The following FOXM1 variants were observed in gnomAD, a reference collection of about 807,000 sequenced individuals.
The protein encoded by FOXM1 is forkhead box protein M1.
In FOXM1, 25 loss-of-function variants were observed where a neutral mutation model predicts 63.6. That is an observed-to-expected ratio of 0.39 (90% confidence interval 0.29 to 0.55). The LOEUF is 0.55. FOXM1 is among the 20% of genes least tolerant of loss of function. The pLI, the probability that FOXM1 is intolerant of heterozygous loss-of-function variation, is 0.60. For missense variants in FOXM1, 879 were observed against 958.7 expected (o/e 0.92, Z 1.10); for synonymous variants, 387 against 376.9 (o/e 1.03, Z -0.31).
At position 2,874,988 on chromosome 12, in the gene FOXM1, A is replaced by ATTTT. The variant is rs556937133; in HGVS notation, c.-47-467_-47-464dup. On this transcript the variant is annotated intron_variant, in intron 1 of 8. Coordinates refer to ENST00000359843, the MANE Select transcript of FOXM1 (RefSeq NM_021953.4). The surrounding 1 kb of genome is among the most constrained non-coding windows in gnomAD (Gnocchi z 4.3). The stretch of plus-strand genomic sequence containing the variant: ...AATCCATTCAAGACAAAGGATTTTA[A>ATTTT]TTTTTTTTTTTTTTTTTTTTTTGAG... Among the ~76,000 whole-genome samples the ATTTT allele has an allele frequency of 5.5e-5, 7 of 127,160 alleles. No homozygotes were observed. The highest frequency in any genetic ancestry group is 8.3e-5 in the Admixed American group (1 of 12,004). 83.4% of individuals were successfully genotyped at this position (127,160 alleles called of 152,430 possible). A position where few individuals can be genotyped will look rare whatever the true frequency, so the allele number is the denominator to read the frequency against.
rs1237313189 is a variant in FOXM1, at chr12:2,857,812, C to A, written c.*826G>T. On this transcript the variant is annotated 3_prime_UTR_variant, in exon 9 of 9. Coordinates refer to ENST00000359843, the MANE Select transcript of FOXM1 (RefSeq NM_021953.4). ...TAAGGAAGCCAGGCAGGTCAGGGGC[C>A]CTTTCGGCCTTCTCAAGCCTCCACC... 2 of 152,506 alleles carry A rather than the reference C, an allele frequency of 1.3e-5. No individual in the cohort carries two copies. The highest frequency in any genetic ancestry group is 3.9e-4 in the East Asian group (2 of 5,180). The allele number at this position is 152,506 out of a possible 1,614,324, so 9.4% of individuals were successfully genotyped here.
chr12:2,864,321 T>C lies in FOXM1; in HGVS notation c.1265A>G (p.Lys422Arg), dbSNP rs1603500291. The change falls in exon 8 of 9, where the codon AAG (lysine) becomes AGG (arginine). Residue 422 changes from lysine to arginine, a missense_variant and splice_region_variant. Transcript: ENST00000359843. The surrounding 1 kb of genome is among the most constrained non-coding windows in gnomAD (Gnocchi z 5.1). ...TTCAGAGGAAAATAGGACACCCACC[T>C]TGGGGGCAATGCGGACTCGCTTGCT... ...RHSKRVRIAP[K>R]VLLAEEGIAP... 1 of 1,609,656 alleles carries C rather than the reference T, an allele frequency of 6.2e-7. No homozygotes were observed. Among genetic ancestry groups the C allele is most frequent in the East Asian group, 2.2e-5 (1 of 44,744 alleles).
intron 8 of FOXM1, among the ~76,000 whole-genome samples, chr12:2,860,765 G>A (rs973210337): frequency 3.3e-5 from 5 of 151,736 alleles, no homozygotes; most frequent in Non-Finnish European, 7.4e-5. Flanking sequence ...CCAGCTACTC[G>A]GGAGGCTGAG....
Position 2,864,028 on chromosome 12 carries a change from G to A in FOXM1, c.1266+292C>T. On this transcript the variant is annotated intron_variant, in intron 8 of 8. Coordinates refer to ENST00000359843, the MANE Select transcript of FOXM1 (RefSeq NM_021953.4). This position sits in a 1 kb window ranked among gnomAD's most constrained non-coding sequence, Gnocchi z 5.1. ...CCAAATCCATCTCTTTCTAAGGCCT[G>A]CCTCCCTTGTGTATCTTCCTTAATA... is the stretch of plus-strand genomic sequence containing the variant. 1 of 298,584 alleles carries A rather than the reference G, an allele frequency of 3.3e-6. No individual in the cohort carries two copies. Among genetic ancestry groups the A allele is most frequent in the East Asian group, 6.2e-5 (1 of 16,154 alleles). 18.5% of individuals were successfully genotyped at this position (298,584 alleles called of 1,614,324 possible). A position where few individuals can be genotyped will look rare whatever the true frequency, so the allele number is the denominator to read the frequency against.
chr12:2,859,291 TTCTCCGAGACCGGCTCCTCTC>T lies in FOXM1; in HGVS notation c.1618_1638del (p.Glu540_Arg546del). ...ACACAGGGAGGCAGTAGATGCTGTT[TTCTCCGAGACCGGCTCCTCTC>T]CCTCCTCTCCCTGTGTTGAATCACA... On this transcript the variant is annotated inframe_deletion, in exon 9 of 9. Coordinates refer to ENST00000359843, the MANE Select transcript of FOXM1 (RefSeq NM_021953.4). The T allele has an allele frequency of 6.2e-7, 1 of 1,613,514 alleles. No individual in the cohort carries two copies. The highest frequency in any genetic ancestry group is 8.5e-7 in the Non-Finnish European group (1 of 1,179,938).
In FOXM1 at chr12:2,865,377, T is replaced by G. The variant is rs1239419720; in HGVS notation, c.998A>C (p.Gln333Pro). Residue 333 changes from glutamine (Q) to proline (P), a missense_variant, in exon 6 of 9, where the codon CAA (glutamine) becomes CCA (proline). Coordinates refer to ENST00000359843, the MANE Select transcript of FOXM1 (RefSeq NM_021953.4). ...TACTGATTCCAAGTGCTCGGGCAAT[T>G]GTGGAGACCCTGGGTCCAGTGGCTG... ...VFKPLDPGSP[Q>P]LPEHLESQQK... 4.3e-6 allele frequency: 7 copies of G among 1,610,644 alleles called. No individual in the cohort carries two copies. Among genetic ancestry groups the G allele is most frequent in the African/African-American group, 4.0e-5 (3 of 74,756 alleles).
intron 8 of FOXM1, among the ~76,000 whole-genome samples, chr12:2,862,181 G>GA (rs962205817): frequency 0.07 from 7,188 of 102,310 alleles, 485 homozygotes; most frequent in African/African-American, 0.18. Flanking sequence ...TCCGTCTCAG[G>GA]AAAAAAAAAA....
chr12:2,861,714 G>A (rs1279011164), intron 8 of FOXM1, among the ~76,000 whole-genome samples: 2 of 152,142 alleles, frequency 1.3e-5, no homozygotes, highest in Non-Finnish European at 2.9e-5. Context: ...CATATTTATT[G>A]CAGTGTCGTT....
chr12:2,860,227 AAAC>A (rs2098108169), intron 8 of FOXM1, among the ~76,000 whole-genome samples: 1 of 152,210 alleles, frequency 6.6e-6, no homozygotes, highest in South Asian at 2.1e-4. Flanking sequence ...CAAAGTTAAG[AAAC>A]AACAAACAAT....
At position 2,859,347 on chromosome 12, in the gene FOXM1, G is replaced by A. The variant is rs969310120; in HGVS notation, c.1583C>T (p.Ser528Leu). Residue 528 changes from serine to leucine, a missense_variant, in exon 9 of 9, where the codon TCG becomes TTG. This residue lies in a region of FOXM1 where 486 missense variants were observed against 453.5 expected (regional missense o/e 1.07). Coordinates refer to ENST00000359843, the MANE Select transcript of FOXM1 (RefSeq NM_021953.4). Reference sequence around the variant, plus strand: ...CCTGTGTTGAATCACAAGCATTTCCGAGACACACCGGGTTGGGGACCTAAG... The same window carrying A: ...CCTGTGTTGAATCACAAGCATTTCCAAGACACACCGGGTTGGGGACCTAAG... ...SGLRSPTRCV[S>L]EMLVIQHRER... is the part of the protein sequence containing the mutation. The A allele has an allele frequency of 4.3e-6, 7 of 1,613,528 alleles. No individual in the cohort carries two copies. The highest frequency in any genetic ancestry group is 2.7e-5 in the African/African-American group (2 of 74,844).
intron 3 of FOXM1, among the ~76,000 whole-genome samples, chr12:2,870,370 T>C (rs1188230280): frequency 6.6e-6 from 1 of 152,220 alleles, no homozygotes; most frequent in African/African-American, 2.4e-5. Flanking sequence ...TTCTCACTTA[T>C]AAGTAGGAAC....
At chr12:2,860,462 A>G (rs10774068) in intron 8 of FOXM1, among the ~76,000 whole-genome samples, 11,376 of 152,182 alleles carry the variant, frequency 0.075, 519 homozygotes, top group Non-Finnish European at 0.1. Context: ...ACTCCAGACT[A>G]GGCAACATAG....
At position 2,858,668 on chromosome 12, in the gene FOXM1, G is replaced by C; in HGVS notation, c.2262C>G (p.Asn754Lys). 1 of 1,614,134 alleles carries C rather than the reference G, an allele frequency of 6.2e-7. No individual in the cohort carries two copies. Residue 754 changes from asparagine to lysine, a missense_variant, in exon 9 of 9, where the codon AAC becomes AAG. Transcript: ENST00000359843. ...GTAGCTCAGGAATAAACTGGGACCA[G>C]TTGATGTTGTCAGGGCCCAGTGGGT... ...DEDPLGPDNI[N>K]WSQFIPELQ is the part of the protein sequence containing the mutation.
Position 2,868,761 on chromosome 12 carries a change from G to T in FOXM1, c.655-7C>A. On this transcript the variant is annotated splice_region_variant and splice_polypyrimidine_tract_variant and intron_variant, in intron 3 of 8. Coordinates refer to ENST00000359843, the MANE Select transcript of FOXM1 (RefSeq NM_021953.4). ...GTCTCGAAGGCTCCTCAACCTGAGG[G>T]TTATGACACAGGGAATGACATGAAA... The T allele has an allele frequency of 6.2e-7, 1 of 1,605,790 alleles. No homozygotes were observed.
At chr12:2,865,202 C>T (rs1257421667) in intron 6 of FOXM1, among the ~76,000 whole-genome samples, 153 bp downstream of exon 6, 5 of 152,126 alleles carry the variant, frequency 3.3e-5, no homozygotes, top group African/African-American at 1.2e-4. Flanking sequence ...GTGCCTGACC[C>T]TCAGGGTGTT....
At position 2,868,679 on chromosome 12, in the gene FOXM1, T is replaced by A. The variant is rs771945841; in HGVS notation, c.730A>T (p.Met244Leu). Residue 244 changes from methionine (M) to leucine (L), a missense_variant, in exon 4 of 9, where the codon ATG becomes TTG. This residue lies in a region of FOXM1 where 62 missense variants were observed against 118.2 expected (regional missense o/e 0.52). Transcript: ENST00000359843. ...GTGCTGTTGATGGCGAATTGTATCA[T>A]GGCCATGTAAGAGTAGGGTGGCCGC... ...SERPPYSYMA[M>L]IQFAINSTER... The A allele has an allele frequency of 6.2e-7, 1 of 1,614,050 alleles. No homozygotes were observed. The highest frequency in any genetic ancestry group is 1.1e-5 in the South Asian group (1 of 91,028).
intron 6 of FOXM1, 32 bp downstream of exon 6, chr12:2,865,323 C>G (rs757972913): frequency 1.6e-5 from 25 of 1,592,132 alleles, no homozygotes; most frequent in Non-Finnish European, 1.8e-5. Context: ...GAAAACAAGG[C>G]CAAGCCCCGA....
At chr12:2,862,181 G>GAAA (rs962205817) in intron 8 of FOXM1, among the ~76,000 whole-genome samples, 2 of 102,436 alleles carry the variant, frequency 2.0e-5, no homozygotes, top group African/African-American at 3.4e-5. Flanking sequence ...TCCGTCTCAG[G>GAAA]AAAAAAAAAA....
chr12:2,858,154 T>C lies in FOXM1; in HGVS notation c.*484A>G, dbSNP rs1357266225. 2 of 154,942 alleles carry C rather than the reference T, an allele frequency of 1.3e-5. No homozygotes were observed. The highest frequency in any genetic ancestry group is 2.9e-5 in the Non-Finnish European group (2 of 69,618). 9.6% of individuals were successfully genotyped at this position (154,942 alleles called of 1,614,324 possible). ...GGAAGAAACCGTGCACTGCAGGTCT[T>C]CCCTTCTATCAAAACTAAAAGCAAG... On this transcript the variant is annotated 3_prime_UTR_variant, in exon 9 of 9. Transcript: ENST00000359843.
Sources: gnomAD v4.1 joint callset for allele counts (sites outside exome capture counted in the v4.1 genomes callset) on GRCh38, gnomAD v4.1.1 for gene constraint, gnomAD v4.1.1 regional missense constraint, Gnocchi (gnomAD v3.1) non-coding constraint, MANE v1.5 for transcripts, NCBI Gene and HGNC (gene_info 2026-07-23, HGNC 2026-07-21) for gene names.